Variants in ZNF667 observed in about 807,000 individuals in gnomAD.
ZNF667 encodes zinc finger protein 667.
In ZNF667, 13 loss-of-function variants were observed where a neutral mutation model predicts 31.8. The ratio of observed to expected loss-of-function variants is 0.41; its 90% confidence interval spans 0.27 to 0.65. The LOEUF (loss-of-function observed/expected upper bound fraction) is 0.65. ZNF667 is among the 30% of genes least tolerant of loss of function. The pLI is 0.32. For missense variants in ZNF667, 642 were observed against 725.6 expected, an observed-to-expected ratio of 0.88 and a Z score of 1.32; for synonymous variants, 228 against 247.1, an observed-to-expected ratio of 0.92 and a Z score of 0.73.
At chr19:56,443,447 A>G (rs556775179) in intron 6 of ZNF667, among the ~76,000 whole-genome samples, 1 of 152,332 alleles carries the variant, frequency 6.6e-6, no homozygotes, top group South Asian at 2.1e-4. Flanking sequence ...AAACCTAGAT[A>G]GTATAGCCTA....
intron 3 of ZNF667, among the ~76,000 whole-genome samples, chr19:56,466,761 C>T (rs760772270): frequency 4.6e-5 from 7 of 152,156 alleles, no homozygotes; most frequent in Non-Finnish European, 8.8e-5. Context: ...CCTGAGAGTG[C>T]AGCCCACTTT....
At chr19:56,442,895 T>A in intron 6 of ZNF667, 154 bp from the exon 7 acceptor site, 1 of 1,022,006 alleles carries the variant, frequency 9.8e-7, no homozygotes, top group Non-Finnish European at 1.3e-6. Context: ...TTGATGACTA[T>A]ACTAAAGGCT....
chr19:56,464,200 T>C (rs1320524337), intron 3 of ZNF667, among the ~76,000 whole-genome samples: 1 of 152,254 alleles, frequency 6.6e-6, no homozygotes, highest in East Asian at 1.9e-4. Flanking sequence ...AATATTTTGA[T>C]ATAGTCAGTT....
At chr19:56,476,126 T>C (rs1051098488) in intron 1 of ZNF667, among the ~76,000 whole-genome samples, 1 of 152,156 alleles carries the variant, frequency 6.6e-6, no homozygotes, top group African/African-American at 2.4e-5. Context: ...CGAGGAGTGG[T>C]GGACTTAAGT....
chr19:56,440,544 C>T lies in ZNF667; in HGVS notation c.*618G>A. On this transcript the variant is annotated 3_prime_UTR_variant, in exon 7 of 7. Coordinates refer to ENST00000504904, the MANE Select transcript of ZNF667 (RefSeq NM_001321356.2). The stretch of plus-strand genomic sequence containing the variant: ...AATTCTTTTTTCTGTGACCTTAAAT[C>T]AGGCTCAGAGCCCTATAATGGACTT... The T allele has an allele frequency of 1.0e-6, 1 of 955,858 alleles. No homozygotes were observed. The highest frequency in any genetic ancestry group is 1.2e-6 in the Non-Finnish European group (1 of 802,882). The allele number at this position is 955,858 out of a possible 1,614,324, so 59.2% of individuals were successfully genotyped here. A position where few individuals can be genotyped will look rare whatever the true frequency, so the allele number is the denominator to read the frequency against.
Position 56,441,480 on chromosome 19 carries a change from C to T in ZNF667, c.1515G>A (p.Gly505=). 1 of 1,614,110 alleles carries T rather than the reference C, an allele frequency of 6.2e-7. No homozygotes were observed. Among genetic ancestry groups the T allele is most frequent in the Non-Finnish European group, 8.5e-7 (1 of 1,180,028 alleles). ...GGTGTGCACTCTGGCTGAAGGCCTT[C>T]CCACACTGATCACATTCATAGGGTC... The part of the protein sequence containing the change: ...EDRPYECDQC[G]KAFSQSAHLA... Residue 505 remains glycine (G), a synonymous_variant, in exon 7 of 7, where the codon GGG becomes GGA. Transcript: ENST00000504904. This position sits in a 1 kb window ranked among gnomAD's most constrained non-coding sequence, Gnocchi z 4.2.
intron 6 of ZNF667, among the ~76,000 whole-genome samples, chr19:56,457,737 T>C (rs1346232890): frequency 6.6e-6 from 1 of 152,224 alleles, no homozygotes; most frequent in Non-Finnish European, 1.5e-5. Context: ...TGAGCTCTTA[T>C]GCAGAACACC....
At chr19:56,448,578 G>A (rs1183413803) in intron 6 of ZNF667, among the ~76,000 whole-genome samples, 2 of 151,916 alleles carry the variant, frequency 1.3e-5, no homozygotes, top group Non-Finnish European at 2.9e-5. Context: ...GCAGCTCCAA[G>A]GGGAGAGGGA....
intron 5 of ZNF667, among the ~76,000 whole-genome samples, chr19:56,460,227 T>G (rs559880185): frequency 6.6e-6 from 1 of 152,340 alleles, no homozygotes; most frequent in African/African-American, 2.4e-5. Flanking sequence ...CCATACATAT[T>G]CTTTGGCAAT....
At chr19:56,455,558 G>A (rs1315651582) in intron 6 of ZNF667, among the ~76,000 whole-genome samples, 2 of 152,158 alleles carry the variant, frequency 1.3e-5, no homozygotes, top group Non-Finnish European at 2.9e-5. Context: ...ATTTGTGGGA[G>A]CTAAAAATCA....
intron 5 of ZNF667, among the ~76,000 whole-genome samples, chr19:56,459,139 TAG>T (rs1192078968): frequency 2.6e-5 from 4 of 152,158 alleles, no homozygotes; most frequent in African/African-American, 4.8e-5. Flanking sequence ...CATCTGGTGT[TAG>T]AGTGTGCGGT....
At position 56,462,221 on chromosome 19, in the gene ZNF667, G is replaced by T; in HGVS notation, c.33+117C>A. The T allele has an allele frequency of 3.1e-6, 4 of 1,309,730 alleles. No homozygotes were observed. In the South Asian group the frequency reaches 5.2e-5, roughly 17 times the overall value. 81.1% of individuals were successfully genotyped at this position (1,309,730 alleles called of 1,614,324 possible). On this transcript the variant is annotated intron_variant, in intron 4 of 6. Transcript: ENST00000504904. The stretch of plus-strand genomic sequence containing the variant: ...CTCATGGCAACGGGAGAAAACCAAA[G>T]ACTAGGTGTTGGATGGATCTCCAAC...
At chr19:56,473,216 T>C (rs1417282468) in intron 2 of ZNF667, 1 of 152,230 alleles carries the variant, frequency 6.6e-6, no homozygotes, top group Non-Finnish European at 1.5e-5. Flanking sequence ...GTTCAGTATT[T>C]AACTCTGCCG....
chr19:56,440,194 A>T lies in ZNF667; in HGVS notation c.*968T>A, dbSNP rs2042574278. The stretch of plus-strand genomic sequence containing the variant: ...GAAAATACCAATGTTTACTCATATA[A>T]ATATAGATGATTTATTTCCAAATAA... On this transcript the variant is annotated 3_prime_UTR_variant, in exon 7 of 7. Transcript: ENST00000504904. 1 of 152,166 alleles carries T rather than the reference A, an allele frequency of 6.6e-6. No homozygotes were observed. The highest frequency in any genetic ancestry group is 1.5e-5 in the Non-Finnish European group (1 of 68,034). 9.4% of individuals were successfully genotyped at this position (152,166 alleles called of 1,614,324 possible). A position where few individuals can be genotyped will look rare whatever the true frequency, so the allele number is the denominator to read the frequency against.
chr19:56,477,334 GCCTGCGCACTCC>G (rs2043436812), exon 1 of ZNF667: 2 of 152,082 alleles, frequency 1.3e-5, no homozygotes, highest in South Asian at 4.1e-4. Flanking sequence ...GGGACTCAGC[GCCTGCGCACTCC>G]CCTCCGGGAC....
chr19:56,473,269 C>T (rs959662489), intron 2 of ZNF667, among the ~76,000 whole-genome samples: 3 of 152,302 alleles, frequency 2.0e-5, no homozygotes, highest in African/African-American at 2.4e-5. Context: ...TGTCCTCTCC[C>T]GGCCTGAGCT....
chr19:56,469,904 CT>C, intron 3 of ZNF667: 1 of 485,696 alleles, frequency 2.1e-6, no homozygotes, highest in South Asian at 1.5e-5. Context: ...TTCAAGGAGC[CT>C]TCCCTCACCC....
chr19:56,442,469 T>C lies in ZNF667; in HGVS notation c.526A>G (p.Asn176Asp). The change falls in exon 7 of 7, where the codon AAT becomes GAT. Residue 176 changes from asparagine to aspartate, a missense_variant. Coordinates refer to ENST00000504904, the MANE Select transcript of ZNF667 (RefSeq NM_001321356.2). ...HTGEKPFECS[N>D]CRKAFRQISS... ...ATCTGTCTGAAAGCTTTTCTACAAT[T>C]ACTGCATTCAAAAGGCTTCTCTCCT... is the stretch of plus-strand genomic sequence containing the variant. The C allele has an allele frequency of 6.2e-7, 1 of 1,613,884 alleles. No individual in the cohort carries two copies. The highest frequency in any genetic ancestry group is 8.5e-7 in the Non-Finnish European group (1 of 1,179,866).
intron 6 of ZNF667, among the ~76,000 whole-genome samples, chr19:56,457,206 C>T (rs539257631): frequency 1.3e-5 from 2 of 152,158 alleles, no homozygotes; most frequent in Non-Finnish European, 2.9e-5. Flanking sequence ...CTGAAAAGAA[C>T]ACTTGGAGAA....
Sources: allele counts gnomAD v4.1 joint callset (sites outside exome capture counted in the v4.1 genomes callset), GRCh38; gene constraint gnomAD v4.1.1; non-coding constraint Gnocchi (gnomAD v3.1); transcripts MANE v1.5; gene names NCBI Gene and HGNC (gene_info 2026-07-23, HGNC 2026-07-21).